The following ATP2A3 variants were observed in gnomAD, a reference collection of about 807,000 sequenced individuals.
The protein encoded by ATP2A3 is ATPase sarcoplasmic/endoplasmic reticulum Ca2+ transporting 3.
Under a neutral mutation model 106.8 loss-of-function variants are expected in ATP2A3, and 61 were observed. The ratio of observed to expected loss-of-function variants is 0.57; its 90% CI spans 0.46 to 0.71. The LOEUF is 0.71. Among genes scored for constraint, ATP2A3 ranks in the 30% least tolerant of loss-of-function variants. The pLI is 0.00. For missense variants in ATP2A3, 1,201 were observed against 1,423.5 expected (o/e 0.84, Z 2.52); for synonymous variants, 611 against 609.3 (o/e 1.00, Z -0.04).
At chr17:3,945,773 G>T (rs1259596450) in intron 8 of ATP2A3, among the ~76,000 whole-genome samples, 1 of 152,172 alleles carries the variant, frequency 6.6e-6, no homozygotes, top group African/African-American at 2.4e-5. Context: ...GACAGTTCTT[G>T]CTTCGTGGAC....
Position 3,928,209 on chromosome 17 carries a change from C to G in ATP2A3, c.2980+454G>C. 6.2e-7 allele frequency: 1 copy of G among 1,612,754 alleles called. No homozygotes were observed. The highest frequency in any genetic ancestry group is 1.1e-5 in the South Asian group (1 of 91,058). ...GCTCAGAAACAACCCTCCCCTTGAC[C>G]CACCCACAAGGTGATACCAAAGAGG... is the stretch of plus-strand genomic sequence containing the variant. On this transcript the variant is annotated intron_variant, in intron 20 of 20. Coordinates refer to ENST00000397041, the MANE Select transcript of ATP2A3 (RefSeq NM_005173.4). The surrounding 1 kb of genome is among the most constrained non-coding windows in gnomAD (Gnocchi z 6.1).
Position 3,964,209 on chromosome 17 carries a change from T to G in ATP2A3, c.83A>C (p.Gln28Pro). 4.8e-6 allele frequency: 6 copies of G among 1,250,112 alleles called. No individual in the cohort carries two copies. Among genetic ancestry groups the G allele is most frequent in the Non-Finnish European group, 6.1e-6 (6 of 985,754 alleles). 77.4% of individuals were successfully genotyped at this position (1,250,112 alleles called of 1,614,324 possible). A position where few individuals can be genotyped will look rare whatever the true frequency, so the allele number is the denominator to read the frequency against. Residue 28 changes from glutamine to proline, a missense_variant, in exon 1 of 21, where the codon CAG (glutamine) becomes CCG (proline). By Grantham distance (76) the Gln-to-Pro change is moderately conservative. Coordinates refer to ENST00000397041, the MANE Select transcript of ATP2A3 (RefSeq NM_005173.4). ...GTAGCGCTCCCGCGCGCCGGTCACC[T>G]GCGCCGGGCTCAGGCCGCCCTCGGC... ...VTAEGGLSPAQVTGARERYGP... is the reference protein window; with the variant it reads ...VTAEGGLSPAPVTGARERYGP...
chr17:3,955,088 C>T lies in ATP2A3; in HGVS notation c.119-1378G>A, dbSNP rs1320747352. 6.6e-6 allele frequency among the ~76,000 whole-genome samples: 1 copy of T among 152,236 alleles called. No homozygotes were observed. Among genetic ancestry groups the T allele is most frequent in the East Asian group, 1.9e-4 (1 of 5,196 alleles). On this transcript the variant is annotated intron_variant, in intron 1 of 20. Transcript: ENST00000397041. This position sits in a 1 kb window ranked among gnomAD's most constrained non-coding sequence, Gnocchi z 4.2. ...TCCCAGGCCGCAGTCTAACTGAGCCCTGCCTCCTCTTGTCTCTTGCCACTC... is the reference window on the plus strand; with the variant it reads ...TCCCAGGCCGCAGTCTAACTGAGCCTTGCCTCCTCTTGTCTCTTGCCACTC...
Position 3,926,070 on chromosome 17 carries a change from C to T in ATP2A3, c.2981-629G>A, listed in dbSNP as rs993341898. On this transcript the variant is annotated intron_variant, in intron 20 of 20. Transcript: ENST00000397041. This position sits in a 1 kb window ranked among gnomAD's most constrained non-coding sequence, Gnocchi z 4.6. Reference sequence around the variant, plus strand: ...GCCCCCACGCCTCCCCTGACAACTGCTCAGCCACACCTGGGCAGAGCCAGG... The same window carrying T: ...GCCCCCACGCCTCCCCTGACAACTGTTCAGCCACACCTGGGCAGAGCCAGG... Among the ~76,000 whole-genome samples, 6 of 151,920 alleles carry T rather than the reference C, an allele frequency of 3.9e-5. No homozygotes were observed. The highest frequency in any genetic ancestry group is 1.5e-4 in the African/African-American group (6 of 41,356).
rs956926228 is a variant in ATP2A3 at position 3,926,360 on chromosome 17, G to A, written c.2981-919C>T. Among the ~76,000 whole-genome samples, 11 of 152,232 alleles carry A rather than the reference G, an allele frequency of 7.2e-5. No homozygotes were observed. Among genetic ancestry groups the A allele is most frequent in the African/African-American group, 2.2e-4 (9 of 41,542 alleles). ...TGGGCTTCCAGTGAGCACATTCCTC[G>A]GGGTGCCTCCACCCCACCCCTCAGA... On this transcript the variant is annotated intron_variant, in intron 20 of 20. Transcript: ENST00000397041. This position sits in a 1 kb window ranked among gnomAD's most constrained non-coding sequence, Gnocchi z 4.6.
chr17:3,934,953 C>T, intron 17 of ATP2A3: 1 of 553,770 alleles, frequency 1.8e-6, no homozygotes, highest in Admixed American at 3.0e-5. Flanking sequence ...GCAGTGAGGC[C>T]TCTTGGTCCC....
At chr17:3,946,921 G>A (rs896674506) in intron 8 of ATP2A3, among the ~76,000 whole-genome samples, 2 of 152,254 alleles carry the variant, frequency 1.3e-5, no homozygotes, top group African/African-American at 4.8e-5. Context: ...GGGATGAAGT[G>A]CAGGGAATGA....
Position 3,928,003 on chromosome 17 carries a change from C to T in ATP2A3, c.2980+660G>A. On this transcript the variant is annotated intron_variant, in intron 20 of 20. Coordinates refer to ENST00000397041, the MANE Select transcript of ATP2A3 (RefSeq NM_005173.4). The surrounding 1 kb of genome is among the most constrained non-coding windows in gnomAD (Gnocchi z 6.1). ...CACCCCTGCTTCCTCCCTCTCTGAG[C>T]AGCTCTGACAGCGAGACGATGCTGT... 6.2e-7 allele frequency: 1 copy of T among 1,614,068 alleles called. No homozygotes were observed. The highest frequency in any genetic ancestry group is 1.1e-5 in the South Asian group (1 of 91,088).
rs147927273 is a variant in ATP2A3 at position 3,925,419 on chromosome 17, C to A, written c.*3G>T. ...ACCGGAGACTCCACTCTGTTCCCAG[C>A]GCTCACTTCTGGCTCATTTCTTCTG... On this transcript the variant is annotated 3_prime_UTR_variant, in exon 21 of 21. Transcript: ENST00000397041. The surrounding 1 kb of genome is among the most constrained non-coding windows in gnomAD (Gnocchi z 4.2). The A allele has an allele frequency of 2.9e-5, 46 of 1,613,688 alleles. No homozygotes were observed. In the African/African-American group the frequency reaches 4.8e-4, roughly 17 times the overall value.
At position 3,957,259 on chromosome 17, in the gene ATP2A3, G is replaced by A. The variant is rs112752039; in HGVS notation, c.119-3549C>T. On this transcript the variant is annotated intron_variant, in intron 1 of 20. Coordinates refer to ENST00000397041, the MANE Select transcript of ATP2A3 (RefSeq NM_005173.4). ...ACAGAGTACACAACAGAGAGGTTGAGTGACTAGTTCACCGTCACACAGCGG... is the reference window on the plus strand; with the variant it reads ...ACAGAGTACACAACAGAGAGGTTGAATGACTAGTTCACCGTCACACAGCGG... Among the ~76,000 whole-genome samples, 131 of 152,340 alleles carry A rather than the reference G, an allele frequency of 8.6e-4. 1 individual carries two copies. The highest frequency in any genetic ancestry group is 2.9e-3 in the African/African-American group (121 of 41,572).
intron 1 of ATP2A3, among the ~76,000 whole-genome samples, chr17:3,957,580 G>C (rs1157657955): frequency 6.6e-6 from 1 of 152,298 alleles, no homozygotes; most frequent in South Asian, 2.1e-4. Flanking sequence ...GCCTGCTCAG[G>C]CCTGATCTGC....
chr17:3,958,781 CAT>C (rs1160647483), intron 1 of ATP2A3, among the ~76,000 whole-genome samples: 16 of 62,192 alleles, frequency 2.6e-4, no homozygotes, highest in East Asian at 1.0e-3. Flanking sequence ...TATACACACA[CAT>C]ATATATACAC....
At chr17:3,937,379 A>G in intron 15 of ATP2A3, 37 bp downstream of exon 15, 1 of 1,597,934 alleles carries the variant, frequency 6.3e-7, no homozygotes, top group South Asian at 1.1e-5. Context: ...CACAGAGCGG[A>G]TTGAGAGGGC....
chr17:3,950,370 G>C, intron 7 of ATP2A3, 141 bp downstream of exon 7: 1 of 776,762 alleles, frequency 1.3e-6, no homozygotes, highest in South Asian at 1.5e-5. Context: ...CACCATGTTG[G>C]CCAGGCTGGT....
At chr17:3,950,981 C>G (rs1206741869) in intron 5 of ATP2A3, among the ~76,000 whole-genome samples, 1 of 152,016 alleles carries the variant, frequency 6.6e-6, no homozygotes, top group Admixed American at 6.6e-5. Flanking sequence ...ACAGCCACCC[C>G]CTCTGTATAT....
At position 3,953,100 on chromosome 17, in the gene ATP2A3, C is replaced by G. The variant is rs967808016; in HGVS notation, c.219+247G>C. ...CGGGGGGCAGATGTGAGTTGGGGAG[C>G]TCGCTGAGAGCCAGAGGATAAGATG... On this transcript the variant is annotated intron_variant, in intron 3 of 20. Coordinates refer to ENST00000397041, the MANE Select transcript of ATP2A3 (RefSeq NM_005173.4). This position sits in a 1 kb window ranked among gnomAD's most constrained non-coding sequence, Gnocchi z 5.1. Among the ~76,000 whole-genome samples, 1 of 151,984 alleles carries G rather than the reference C, an allele frequency of 6.6e-6. No homozygotes were observed. The highest frequency in any genetic ancestry group is 2.4e-5 in the African/African-American group (1 of 41,362).
At chr17:3,958,789 T>TACACATATATATAC (rs1567726533) in intron 1 of ATP2A3, among the ~76,000 whole-genome samples, 62 of 94,776 alleles carry the variant, frequency 6.5e-4, no homozygotes, top group Admixed American at 8.8e-4. Flanking sequence ...CACATATATA[T>TACACATATATATAC]ACACATATAT....
At chr17:3,932,178 C>T (rs186588948) in intron 17 of ATP2A3, among the ~76,000 whole-genome samples, 1 of 152,206 alleles carries the variant, frequency 6.6e-6, no homozygotes, top group Non-Finnish European at 1.5e-5. Flanking sequence ...GAGTCTCACT[C>T]TGTCACCGAG....
At chr17:3,961,145 C>A (rs1002202423) in intron 1 of ATP2A3, among the ~76,000 whole-genome samples, 1 of 152,214 alleles carries the variant, frequency 6.6e-6, no homozygotes, top group African/African-American at 2.4e-5. Context: ...TGTGTATATG[C>A]ACGGACTGTC....
Sources: gnomAD v4.1 joint callset for allele counts (sites outside exome capture counted in the v4.1 genomes callset) on GRCh38, gnomAD v4.1.1 for gene constraint, Gnocchi (gnomAD v3.1) non-coding constraint, MANE v1.5 for transcripts, NCBI Gene and HGNC (gene_info 2026-07-23, HGNC 2026-07-21) for gene names.